Variants in TMOD3 observed in about 807,000 individuals in gnomAD.
The protein encoded by TMOD3 is tropomodulin-3.
In TMOD3, 20 loss-of-function variants were observed where a neutral mutation model predicts 39.2. The ratio of observed to expected loss-of-function variants is 0.51; its 90% CI spans 0.36 to 0.74. The LOEUF is 0.74. TMOD3 is among the 30% of genes least tolerant of loss of function. The pLI is 0.00. For synonymous variants in TMOD3, 143 were observed against 145.8 expected (o/e 0.98, Z 0.14); for missense variants, 381 against 412.8 (o/e 0.92, Z 0.67).
At chr15:51,893,735 G>A (rs1004396762) in intron 5 of TMOD3, 80 bp from the exon 6 acceptor site, 53 of 1,347,122 alleles carry the variant, frequency 3.9e-5, no homozygotes, top group African/African-American at 6.0e-5. Flanking sequence ...ACTGCACTCC[G>A]GCCTGGGCGA....
At chr15:51,891,848 G>GAACCAAGT (rs2056595128) in intron 5 of TMOD3, among the ~76,000 whole-genome samples, 1 of 152,172 alleles carries the variant, frequency 6.6e-6, no homozygotes, top group African/African-American at 2.4e-5. Context: ...GCTTTTCCTT[G>GAACCAAGT]TCTTGAACCA....
chr15:51,901,815 C>G, intron 8 of TMOD3, 77 bp from the exon 9 acceptor site: 1 of 1,430,984 alleles, frequency 7.0e-7, no homozygotes, highest in Non-Finnish European at 9.6e-7. Context: ...TTAGCATGTG[C>G]CTGAATGTCT....
intron 1 of TMOD3, chr15:51,858,427 T>TA (rs57271370): frequency 0.035 from 4,887 of 138,884 alleles, 118 homozygotes; most frequent in Non-Finnish European, 0.053. Context: ...AATAATTTGC[T>TA]AAAAAAAAAA....
intron 3 of TMOD3, among the ~76,000 whole-genome samples, chr15:51,882,305 G>A (rs947247410): frequency 4.6e-5 from 7 of 151,832 alleles, no homozygotes; most frequent in Non-Finnish European, 2.9e-5. Context: ...TTGGGAGGCC[G>A]AGGCAGGTGG....
chr15:51,849,278 G>T (rs925661597), intron 1 of TMOD3, among the ~76,000 whole-genome samples: 23 of 152,168 alleles, frequency 1.5e-4, no homozygotes, highest in Non-Finnish European at 3.2e-4. Flanking sequence ...GAGCAGGTAT[G>T]GGGGAGAAAA....
At chr15:51,877,475 C>G (rs932201075) in intron 3 of TMOD3, among the ~76,000 whole-genome samples, 1 of 151,902 alleles carries the variant, frequency 6.6e-6, no homozygotes, top group Non-Finnish European at 1.5e-5. Context: ...GTCAGCAGTT[C>G]GATACCAGCC....
chr15:51,831,098 T>G (rs917614893), intron 1 of TMOD3, among the ~76,000 whole-genome samples: 1 of 152,214 alleles, frequency 6.6e-6, no homozygotes, highest in African/African-American at 2.4e-5. Flanking sequence ...AAAGTTCATT[T>G]ATTTTGCTCA....
At chr15:51,894,007 C>G in intron 6 of TMOD3, 62 bp downstream of exon 6, 1 of 1,394,466 alleles carries the variant, frequency 7.2e-7, no homozygotes, top group Admixed American at 2.4e-5. Flanking sequence ...AGGATGAGAG[C>G]TGGGCAGTTG....
At chr15:51,890,169 A>AT (rs67190705) in intron 5 of TMOD3, among the ~76,000 whole-genome samples, 481 of 140,394 alleles carry the variant, frequency 3.4e-3, no homozygotes, top group Admixed American at 4.9e-3. Flanking sequence ...CTATTAGCTA[A>AT]TTTTTTTTTT....
chr15:51,880,574 C>G (rs1370992292), intron 3 of TMOD3, among the ~76,000 whole-genome samples: 1 of 152,180 alleles, frequency 6.6e-6, no homozygotes, highest in Non-Finnish European at 1.5e-5. Flanking sequence ...TTCTTATAAA[C>G]AGAATCATAC....
intron 1 of TMOD3, among the ~76,000 whole-genome samples, chr15:51,831,384 G>C (rs1567257430): frequency 6.6e-6 from 1 of 152,162 alleles, no homozygotes; most frequent in Non-Finnish European, 1.5e-5. Context: ...TGGTACAACA[G>C]AAAGGCCCTG....
At chr15:51,848,283 T>C (rs2141674001) in intron 1 of TMOD3, among the ~76,000 whole-genome samples, 1 of 152,350 alleles carries the variant, frequency 6.6e-6, no homozygotes, top group Middle Eastern at 3.4e-3. Context: ...GGAAATGACC[T>C]TATGAGAGTC....
chr15:51,843,127 A>G (rs930681249), intron 1 of TMOD3, among the ~76,000 whole-genome samples: 6 of 152,170 alleles, frequency 3.9e-5, no homozygotes, highest in African/African-American at 1.4e-4. Context: ...GAGGAGGAAA[A>G]AGAGTAGTCA....
intron 1 of TMOD3, among the ~76,000 whole-genome samples, chr15:51,858,773 C>G (rs1026912321): frequency 1.3e-5 from 2 of 152,170 alleles, no homozygotes; most frequent in African/African-American, 2.4e-5. Context: ...AAGTAAAACC[C>G]AGTCGTATGC....
At chr15:51,843,364 A>G (rs2056321518) in intron 1 of TMOD3, among the ~76,000 whole-genome samples, 1 of 152,202 alleles carries the variant, frequency 6.6e-6, no homozygotes, top group Non-Finnish European at 1.5e-5. Context: ...GAGGATTCCT[A>G]GTGATTCTTA....
intron 2 of TMOD3, among the ~76,000 whole-genome samples, chr15:51,863,334 G>T (rs16964579): frequency 6.6e-6 from 1 of 152,100 alleles, no homozygotes; most frequent in African/African-American, 2.4e-5. Context: ...TTTGATACAC[G>T]CCAACCTCTG....
At chr15:51,852,833 C>T (rs2141676833) in intron 1 of TMOD3, among the ~76,000 whole-genome samples, 1 of 152,336 alleles carries the variant, frequency 6.6e-6, no homozygotes, top group Admixed American at 6.5e-5. Context: ...AAGAGCTTTA[C>T]AGTGTCTAGT....
At chr15:51,864,507 C>A (rs2056435338) in intron 2 of TMOD3, among the ~76,000 whole-genome samples, 1 of 151,990 alleles carries the variant, frequency 6.6e-6, no homozygotes, top group African/African-American at 2.4e-5. Context: ...GAAACTACTG[C>A]CTTGAAAGAA....
intron 3 of TMOD3, among the ~76,000 whole-genome samples, chr15:51,882,084 G>C (rs181378187): frequency 1.3e-5 from 2 of 151,566 alleles, no homozygotes; most frequent in Non-Finnish European, 1.5e-5. Context: ...TAGTAGAGGC[G>C]TGGTGTCACC....
Sources: gnomAD v4.1 joint callset for allele counts (sites outside exome capture counted in the v4.1 genomes callset) on GRCh38, gnomAD v4.1.1 for gene constraint, MANE v1.5 for transcripts, NCBI Gene and HGNC (gene_info 2026-07-23, HGNC 2026-07-21) for gene names.